LSM3: variants seen among roughly 807,000 people sequenced by gnomAD.
The protein encoded by LSM3 is U6 snRNA-associated Sm-like protein LSm3.
LSM3 carries 14 observed loss-of-function variants against 15.4 expected under a neutral mutation model. The ratio of observed to expected loss-of-function variants is 0.91; its 90% CI spans 0.60 to 1.42. The LOEUF (loss-of-function observed/expected upper bound fraction) is 1.42, where lower values mean the gene tolerates loss of function less well. Ranked by LOEUF, LSM3 falls within the 40% of genes most tolerant of loss-of-function variation. The pLI, the probability that LSM3 is intolerant of heterozygous loss-of-function variation, is 0.00. For missense variants in LSM3, 88 were observed against 127.9 expected, an observed-to-expected ratio of 0.69 and a Z score of 1.50; for synonymous variants, 46 against 45.1, an observed-to-expected ratio of 1.02 and a Z score of -0.08.
chr3:14,196,296 A>T (rs771631284), intron 3 of LSM3, among the ~76,000 whole-genome samples: 6 of 152,014 alleles, frequency 3.9e-5, no homozygotes, highest in Admixed American at 6.6e-5. Flanking sequence ...GCAGAGATCA[A>T]CGATAGTGGG....
At chr3:14,181,808 A>G in intron 2 of LSM3, 138 bp downstream of exon 2, 1 of 590,274 alleles carries the variant, frequency 1.7e-6, no homozygotes, top group Non-Finnish European at 3.1e-6. Context: ...CACATAAGCC[A>G]AATAAAGCGG....
At chr3:14,184,954 G>A (rs1159379409) in intron 3 of LSM3, among the ~76,000 whole-genome samples, 1 of 152,142 alleles carries the variant, frequency 6.6e-6, no homozygotes, top group African/African-American at 2.4e-5. Flanking sequence ...CTACTTGGGA[G>A]GCTGAGGCAG....
At chr3:14,180,864 A>T (rs1310016467) in intron 1 of LSM3, among the ~76,000 whole-genome samples, 2 of 129,580 alleles carry the variant, frequency 1.5e-5, no homozygotes, top group African/African-American at 6.0e-5. Flanking sequence ...TTTTAAAAAA[A>T]AAAAAGACAA....
intron 3 of LSM3, among the ~76,000 whole-genome samples, chr3:14,187,749 T>C (rs1384828208): frequency 6.6e-6 from 1 of 152,254 alleles, no homozygotes; most frequent in Non-Finnish European, 1.5e-5. Context: ...TGTTGGGTTT[T>C]TTTCCCCCTA....
At chr3:14,198,009 T>A in intron 3 of LSM3, 27 bp from the exon 4 acceptor site, 1 of 1,570,562 alleles carries the variant, frequency 6.4e-7, no homozygotes, top group East Asian at 2.3e-5. Context: ...GTTGTACAAA[T>A]ATGTTCTGTT....
At chr3:14,195,391 T>C (rs1697179116) in intron 3 of LSM3, among the ~76,000 whole-genome samples, 2 of 152,032 alleles carry the variant, frequency 1.3e-5, no homozygotes, top group African/African-American at 4.8e-5. Context: ...GTTTCTGCCA[T>C]AGTCTGCTCC....
chr3:14,183,453 G>A (rs1257479890), intron 2 of LSM3, among the ~76,000 whole-genome samples: 2 of 152,330 alleles, frequency 1.3e-5, no homozygotes, highest in South Asian at 2.1e-4. Flanking sequence ...TCTGCGACAT[G>A]TGGTCTACTG....
At chr3:14,186,447 G>A (rs1697090223) in intron 3 of LSM3, among the ~76,000 whole-genome samples, 1 of 152,224 alleles carries the variant, frequency 6.6e-6, no homozygotes. Context: ...CCTTCAGATA[G>A]TGACAGGCAC....
intron 3 of LSM3, among the ~76,000 whole-genome samples, chr3:14,185,367 AAAAC>A (rs1697079234): frequency 1.4e-5 from 2 of 143,998 alleles, no homozygotes; most frequent in South Asian, 4.6e-4. Context: ...AAAACAAAAC[AAAAC>A]AAAAAAAAAC....
chr3:14,179,015 A>C, intron 1 of LSM3, 134 bp downstream of exon 1: 1 of 953,462 alleles, frequency 1.0e-6, no homozygotes, highest in Non-Finnish European at 1.6e-6. Flanking sequence ...CCTTTCCGTA[A>C]CCCCCCCTCC....
Position 14,180,820 on chromosome 3 carries a change from C to CTTTTTTTTTTTTTTTTTTTTTTTTTTT in LSM3, c.22-740_22-739insTTTTTTTTTTTTTTTTTTTTTTTTTTT, listed in dbSNP as rs1436714313. Among the ~76,000 whole-genome samples, 6 of 51,398 alleles carry CTTTTTTTTTTTTTTTTTTTTTTTTTTT rather than the reference C, an allele frequency of 1.2e-4. 3 individuals carry two copies. Among genetic ancestry groups the CTTTTTTTTTTTTTTTTTTTTTTTTTTT allele is most frequent in the African/African-American group, 1.5e-4 (2 of 13,078 alleles). The allele number at this position is 51,398 out of a possible 152,430, so 33.7% of individuals were successfully genotyped here. Reference sequence around the variant, plus strand: ...TGACTCCAAAGCCAGTGCTTGCTTGCCTTTTTTTTTTTTTTTTTTTTTTTT... The same window carrying CTTTTTTTTTTTTTTTTTTTTTTTTTTT: ...TGACTCCAAAGCCAGTGCTTGCTTGCTTTTTTTTTTTTTTTTTTTTTTTTTTTCTTTTTTTTTTTTTTTTTTTTTTTT... On this transcript the variant is annotated intron_variant, in intron 1 of 3. Coordinates refer to ENST00000306024, the MANE Select transcript of LSM3 (RefSeq NM_014463.3).
chr3:14,181,235 G>T (rs1393556985), intron 1 of LSM3, among the ~76,000 whole-genome samples: 1 of 152,134 alleles, frequency 6.6e-6, no homozygotes. Context: ...GAGACCCTAT[G>T]CCCTGAAATT....
chr3:14,193,802 G>A (rs535589682), intron 3 of LSM3, among the ~76,000 whole-genome samples: 19 of 152,226 alleles, frequency 1.2e-4, no homozygotes, highest in Admixed American at 5.2e-4. Flanking sequence ...CTCATTCTCC[G>A]TCTAGCTTTG....
intron 1 of LSM3, among the ~76,000 whole-genome samples, chr3:14,180,857 T>TAA (rs34127386): frequency 2.5e-4 from 16 of 64,830 alleles, no homozygotes; most frequent in East Asian, 4.0e-4. Context: ...TTTTTTTTTT[T>TAA]AAAAAAAAAA....
intron 2 of LSM3, among the ~76,000 whole-genome samples, chr3:14,182,793 G>T (rs1374237566): frequency 6.6e-6 from 1 of 152,178 alleles, no homozygotes; most frequent in Non-Finnish European, 1.5e-5. Context: ...GCTTTGCAGT[G>T]TAGGAAGCTC....
chr3:14,188,522 C>G (rs532995411), intron 3 of LSM3, among the ~76,000 whole-genome samples: 13 of 152,352 alleles, frequency 8.5e-5, no homozygotes, highest in African/African-American at 2.9e-4. Flanking sequence ...TGTTCATCAT[C>G]TTTACACCCC....
At chr3:14,187,695 GTT>G (rs139582400) in intron 3 of LSM3, among the ~76,000 whole-genome samples, 2,465 of 152,214 alleles carry the variant, frequency 0.016, 52 homozygotes, top group African/African-American at 0.054. Flanking sequence ...GAACATCAAC[GTT>G]TTACCACCAA....
chr3:14,192,685 T>C (rs1045745523), intron 3 of LSM3, among the ~76,000 whole-genome samples: 3 of 152,220 alleles, frequency 2.0e-5, no homozygotes, highest in East Asian at 1.9e-4. Context: ...GCATGTGAGA[T>C]GGGTCTCCTG....
At chr3:14,195,246 A>T (rs1697178073) in intron 3 of LSM3, among the ~76,000 whole-genome samples, 1 of 152,132 alleles carries the variant, frequency 6.6e-6, no homozygotes, top group Admixed American at 6.5e-5. Flanking sequence ...ATCAGCCTGG[A>T]GGTACTACAC....
Sources: gnomAD v4.1 joint callset for allele counts (sites outside exome capture counted in the v4.1 genomes callset) on GRCh38, gnomAD v4.1.1 for gene constraint, MANE v1.5 for transcripts, NCBI Gene and HGNC (gene_info 2026-07-23, HGNC 2026-07-21) for gene names.